The following GPR158 variants were observed in gnomAD, a reference collection of about 807,000 sequenced individuals.
The protein encoded by GPR158 is metabotropic glycine receptor.
GPR158 carries 30 observed loss-of-function variants against 78.2 expected under a neutral mutation model. That is an observed-to-expected ratio of 0.38 (90% CI 0.29 to 0.52). The LOEUF is 0.52. Ranked by LOEUF, GPR158 falls within the 20% of genes least tolerant of loss-of-function variation. The probability of loss-of-function intolerance (pLI) is 0.83; values close to 1 mark genes in which losing one functional copy is unlikely to be tolerated. For synonymous variants in GPR158, 581 were observed against 591.1 expected (o/e 0.98, Z 0.25); for missense variants, 1,463 against 1,523.5 (o/e 0.96, Z 0.66).
chr10:25,451,100 G>C (rs1835210390), intron 4 of GPR158, among the ~76,000 whole-genome samples: 1 of 152,068 alleles, frequency 6.6e-6, no homozygotes, highest in Admixed American at 6.6e-5. Context: ...TGTACCAGTG[G>C]TGCTTTGGTA....
intron 4 of GPR158, among the ~76,000 whole-genome samples, chr10:25,413,539 A>C (rs1287351662): frequency 6.6e-6 from 1 of 152,200 alleles, no homozygotes; most frequent in Non-Finnish European, 1.5e-5. Flanking sequence ...ACAAAACCTA[A>C]AGTTTCCAAC....
intron 4 of GPR158, among the ~76,000 whole-genome samples, chr10:25,424,951 T>C (rs1052625861): frequency 1.3e-5 from 2 of 152,216 alleles, no homozygotes; most frequent in African/African-American, 2.4e-5. Context: ...GGGGATGGCA[T>C]TGAATCTATA....
intron 5 of GPR158, among the ~76,000 whole-genome samples, chr10:25,534,514 A>T (rs1836471048): frequency 6.6e-6 from 1 of 151,172 alleles, no homozygotes; most frequent in African/African-American, 2.4e-5. Flanking sequence ...CAAAACAAAA[A>T]CAGATTACTT....
chr10:25,576,995 C>T (rs1252478251), intron 7 of GPR158, among the ~76,000 whole-genome samples: 1 of 145,284 alleles, frequency 6.9e-6, no homozygotes, highest in African/African-American at 2.6e-5. Context: ...AAAGTCAGGG[C>T]ACATAATTTT....
chr10:25,280,703 CATTTT>C (rs1287492894), intron 2 of GPR158, among the ~76,000 whole-genome samples: 3 of 145,624 alleles, frequency 2.1e-5, no homozygotes, highest in African/African-American at 7.9e-5. Context: ...CATATCAACA[CATTTT>C]ATGTATGTAT....
At chr10:25,582,151 G>A (rs199581994) in intron 7 of GPR158, among the ~76,000 whole-genome samples, 2 of 152,290 alleles carry the variant, frequency 1.3e-5, no homozygotes, top group East Asian at 3.9e-4. Flanking sequence ...AATTATGGGA[G>A]CTACAATTCA....
intron 4 of GPR158, among the ~76,000 whole-genome samples, chr10:25,423,817 C>T (rs1834785637): frequency 6.6e-6 from 1 of 152,190 alleles, no homozygotes. Context: ...CAAGTCTTTG[C>T]TATTGTGAAC....
At chr10:25,310,478 G>A (rs1217187754) in intron 2 of GPR158, among the ~76,000 whole-genome samples, 1 of 152,068 alleles carries the variant, frequency 6.6e-6, no homozygotes, top group Non-Finnish European at 1.5e-5. Context: ...AGATCACTTT[G>A]GGAAATATTG....
chr10:25,550,594 T>C (rs1158079696), intron 5 of GPR158, among the ~76,000 whole-genome samples: 2 of 152,190 alleles, frequency 1.3e-5, no homozygotes, highest in Non-Finnish European at 2.9e-5. Context: ...TAGAAACTTC[T>C]AAAAGTTAGA....
At chr10:25,470,233 G>C (rs1269541790) in intron 5 of GPR158, among the ~76,000 whole-genome samples, 1 of 151,994 alleles carries the variant, frequency 6.6e-6, no homozygotes. Flanking sequence ...GCTGTGATCT[G>C]ACCATGTACT....
intron 5 of GPR158, chr10:25,475,451 A>G (rs1482048789): frequency 1.3e-5 from 2 of 152,110 alleles, no homozygotes; most frequent in African/African-American, 2.4e-5. Context: ...TTGAAGATAG[A>G]AAGGACCATG....
intron 5 of GPR158, among the ~76,000 whole-genome samples, chr10:25,536,344 A>C (rs936872358): frequency 1.3e-5 from 2 of 152,176 alleles, no homozygotes; most frequent in Non-Finnish European, 2.9e-5. Context: ...TACTGAAGCT[A>C]ATTAAGTATT....
At chr10:25,566,967 A>G (rs1836937831) in intron 6 of GPR158, among the ~76,000 whole-genome samples, 1 of 152,182 alleles carries the variant, frequency 6.6e-6, no homozygotes, top group South Asian at 2.1e-4. Context: ...TACTCTTACG[A>G]GAAGTGTCAC....
intron 2 of GPR158, among the ~76,000 whole-genome samples, chr10:25,272,666 CT>C (rs932107988): frequency 6.6e-6 from 1 of 152,148 alleles, no homozygotes; most frequent in African/African-American, 2.4e-5. Context: ...GAAGTTGGTC[CT>C]CCTGTACAAA....
intron 4 of GPR158, among the ~76,000 whole-genome samples, chr10:25,446,694 A>T (rs1835141989): frequency 6.6e-6 from 1 of 152,204 alleles, no homozygotes; most frequent in South Asian, 2.1e-4. Flanking sequence ...ATCAAGTTCT[A>T]ACCTATTTGC....
Position 25,598,089 on chromosome 10 carries a change from T to A in GPR158, c.2463T>A (p.Tyr821Ter). ...CACTCAAGAAATCCCACAGCACTTA[T>A]GACCACGTGAGAGACCAAACGGAAG... ...VFSLKKSHST[Y>*]DHVRDQTEES... The change falls in exon 11 of 11, where the codon TAT becomes TAA. Residue 821 changes from tyrosine (Y) to a stop codon, truncating the protein, a stop_gained. Transcript: ENST00000376351. LOFTEE classifies it low-confidence loss of function (END_TRUNC). 1 of 1,614,042 alleles carries A rather than the reference T, an allele frequency of 6.2e-7. No homozygotes were observed. Among genetic ancestry groups the A allele is most frequent in the Non-Finnish European group, 8.5e-7 (1 of 1,180,020 alleles).
chr10:25,206,664 C>T (rs1853042394), intron 1 of GPR158, among the ~76,000 whole-genome samples: 1 of 151,958 alleles, frequency 6.6e-6, no homozygotes, highest in African/African-American at 2.4e-5. Flanking sequence ...TGTGTTTTGA[C>T]TTATATTTCA....
chr10:25,464,846 C>A (rs1274968715), intron 4 of GPR158, among the ~76,000 whole-genome samples: 2 of 152,110 alleles, frequency 1.3e-5, no homozygotes, highest in Non-Finnish European at 2.9e-5. Flanking sequence ...TGCAAATGTA[C>A]CTTGCCACTT....
At chr10:25,573,528 A>G (rs1374130007) in intron 7 of GPR158, among the ~76,000 whole-genome samples, 1 of 152,162 alleles carries the variant, frequency 6.6e-6, no homozygotes, top group African/African-American at 2.4e-5. Context: ...AACACGGATT[A>G]TTTTTCTGGC....
Sources: gnomAD v4.1 joint callset for allele counts (sites outside exome capture counted in the v4.1 genomes callset) on GRCh38, gnomAD v4.1.1 for gene constraint, MANE v1.5 for transcripts, NCBI Gene and HGNC (gene_info 2026-07-23, HGNC 2026-07-21) for gene names.